Variants in SLC8A1 observed in about 807,000 individuals in gnomAD.
SLC8A1 encodes solute carrier family 8 member A1, also known as sodium/calcium exchanger 1.
Under a neutral mutation model 68.3 loss-of-function variants are expected in SLC8A1, and 18 were observed. That is an observed-to-expected ratio of 0.26 (90% confidence interval 0.18 to 0.39). SLC8A1 has a LOEUF of 0.39. SLC8A1 is among the 10% of genes least tolerant of loss of function. The probability of loss-of-function intolerance (pLI) is 1.00; values close to 1 mark genes in which losing one functional copy is unlikely to be tolerated. For missense variants in SLC8A1, 985 were observed against 1,156.7 expected, an observed-to-expected ratio of 0.85 and a Z score of 2.15; for synonymous variants, 475 against 415.5, an observed-to-expected ratio of 1.14 and a Z score of -1.74.
At chr2:40,266,365 C>T (rs1441668382) in intron 2 of SLC8A1, among the ~76,000 whole-genome samples, 2 of 152,028 alleles carry the variant, frequency 1.3e-5, no homozygotes, top group African/African-American at 4.8e-5. Flanking sequence ...ACTCTGAAGC[C>T]CCTAGTTTAG....
At chr2:40,443,636 A>T (rs751915511) in intron 1 of SLC8A1, among the ~76,000 whole-genome samples, 19 of 152,180 alleles carry the variant, frequency 1.2e-4, no homozygotes, top group Non-Finnish European at 1.5e-4. Flanking sequence ...ATTGCATTCT[A>T]CCACACTTAT....
intron 2 of SLC8A1, among the ~76,000 whole-genome samples, chr2:40,243,446 G>A (rs1276708483): frequency 2.0e-5 from 3 of 152,132 alleles, no homozygotes; most frequent in Non-Finnish European, 4.4e-5. Flanking sequence ...TCACCCCACT[G>A]TACTCCAACC....
chr2:40,307,440 A>T (rs2072865870), intron 2 of SLC8A1, among the ~76,000 whole-genome samples: 3 of 152,208 alleles, frequency 2.0e-5, no homozygotes, highest in African/African-American at 7.2e-5. Flanking sequence ...GTAAGACAAA[A>T]AAGTTCTGGA....
chr2:40,160,682 G>A, intron 6 of SLC8A1, 83 bp downstream of exon 9: 1 of 1,207,290 alleles, frequency 8.3e-7, no homozygotes, highest in East Asian at 2.3e-5. Flanking sequence ...TTGGTGCTTT[G>A]CCATAGACCA....
chr2:40,241,748 C>G (rs1442050921), intron 2 of SLC8A1, among the ~76,000 whole-genome samples: 1 of 152,128 alleles, frequency 6.6e-6, no homozygotes, highest in African/African-American at 2.4e-5. Context: ...GAAAAGAACT[C>G]CACAGGCTTT....
At chr2:40,261,109 T>C (rs774912375) in intron 2 of SLC8A1, among the ~76,000 whole-genome samples, 39 of 152,090 alleles carry the variant, frequency 2.6e-4, no homozygotes, top group Non-Finnish European at 4.1e-4. Context: ...TTGTGAAAAA[T>C]CCTGACTATG....
At chr2:40,410,145 C>T (rs1051180687) in intron 2 of SLC8A1, among the ~76,000 whole-genome samples, 3 of 151,994 alleles carry the variant, frequency 2.0e-5, no homozygotes, top group Non-Finnish European at 4.4e-5. Flanking sequence ...ACACATGACT[C>T]TTTGAAGTTT....
intron 2 of SLC8A1, among the ~76,000 whole-genome samples, chr2:40,279,924 T>G (rs1009876360): frequency 6.6e-6 from 1 of 152,214 alleles, no homozygotes; most frequent in African/African-American, 2.4e-5. Context: ...ATTAAACTTT[T>G]AAAAATTGTT....
chr2:40,412,496 A>C (rs113644649), intron 2 of SLC8A1, among the ~76,000 whole-genome samples: 1 of 152,158 alleles, frequency 6.6e-6, no homozygotes, highest in East Asian at 1.9e-4. Context: ...ACTACCTTGG[A>C]GTGGGCATAC....
Position 40,331,625 on chromosome 2 carries a change from G to A in SLC8A1, c.1808+96848C>T, listed in dbSNP as rs537637203. On this transcript the variant is annotated intron_variant, in intron 2 of 7. Transcript: ENST00000406785. Reference sequence around the variant, plus strand: ...TATTTTTTTTTTGAGACGGAGTCTCGCTCTGTCGCCCAGGCTAGGGTGCAA... The same window carrying A: ...TATTTTTTTTTTGAGACGGAGTCTCACTCTGTCGCCCAGGCTAGGGTGCAA... 1.5e-4 allele frequency among the ~76,000 whole-genome samples: 22 copies of A among 151,212 alleles called. No homozygotes were observed. The South Asian group carries it at 3.8e-3, about 26-fold the overall frequency.
In SLC8A1 at chr2:40,462,341, C is replaced by T. The variant is rs180687716; in HGVS notation, c.-24-32037G>A. Among the ~76,000 whole-genome samples the T allele has an allele frequency of 1.5e-3, 227 of 152,002 alleles. 2 individuals carry two copies. The highest frequency in any genetic ancestry group is 5.1e-3 in the African/African-American group (213 of 41,466). On this transcript the variant is annotated intron_variant, in intron 1 of 7. Coordinates refer to the SLC8A1 transcript ENST00000402441. ...TACATTTAATTAAATAAATCTAATA[C>T]TTTTTAATTCTTAATCAACTATAAC... is the stretch of plus-strand genomic sequence containing the variant.
At chr2:40,419,200 T>C (rs1036116632) in intron 2 of SLC8A1, among the ~76,000 whole-genome samples, 42 of 152,222 alleles carry the variant, frequency 2.8e-4, no homozygotes, top group Non-Finnish European at 1.5e-5. Flanking sequence ...CAGGAATCAA[T>C]GAATAGGGCC....
intron 2 of SLC8A1, among the ~76,000 whole-genome samples, chr2:40,351,229 G>C (rs1157610008): frequency 1.3e-5 from 2 of 152,074 alleles, no homozygotes; most frequent in African/African-American, 4.8e-5. Flanking sequence ...TTTCTGTGCA[G>C]AGTAGACATC....
At chr2:40,196,446 T>A (rs2053041041) in intron 2 of SLC8A1, among the ~76,000 whole-genome samples, 1 of 151,964 alleles carries the variant, frequency 6.6e-6, no homozygotes, top group Admixed American at 6.6e-5. Flanking sequence ...AACATAATAT[T>A]AGACCAGTGG....
chr2:40,309,664 C>T (rs906791168), intron 2 of SLC8A1, among the ~76,000 whole-genome samples: 19 of 151,874 alleles, frequency 1.3e-4, no homozygotes, highest in African/African-American at 4.4e-4. Context: ...TGCCACCATG[C>T]CCAGCTAATT....
chr2:40,436,828 G>C (rs1699513661), intron 1 of SLC8A1, among the ~76,000 whole-genome samples: 1 of 152,086 alleles, frequency 6.6e-6, no homozygotes, highest in Non-Finnish European at 1.5e-5. Context: ...AAATAAAAAA[G>C]AATGTAGAAG....
chr2:40,482,325 G>A (rs532928134), intron 1 of SLC8A1, among the ~76,000 whole-genome samples: 3 of 152,090 alleles, frequency 2.0e-5, no homozygotes, highest in Non-Finnish European at 2.9e-5. Flanking sequence ...AACTGCCAGG[G>A]GAGGCTTTGG....
intron 3 of SLC8A1, 136 bp from the exon 5 acceptor site, chr2:40,174,978 G>A (rs1367507605): frequency 2.4e-6 from 2 of 824,036 alleles, no homozygotes; most frequent in Admixed American, 2.5e-5. Flanking sequence ...CTAGGAAAAT[G>A]TTCATGACTG....
At chr2:40,107,736 G>A (rs887407433) in exon 8 of SLC8A1, 3 of 152,148 alleles carry the variant, frequency 2.0e-5, no homozygotes, top group African/African-American at 7.2e-5. Flanking sequence ...ATACAGAAAT[G>A]CAGCTGAAGT....
Sources: gnomAD v4.1 joint callset for allele counts (sites outside exome capture counted in the v4.1 genomes callset) on GRCh38, gnomAD v4.1.1 for gene constraint, MANE v1.5 for transcripts, NCBI Gene and HGNC (gene_info 2026-07-23, HGNC 2026-07-21) for gene names.